NKAIN2: variants seen among roughly 807,000 people sequenced by gnomAD.
NKAIN2 encodes sodium/potassium-transporting ATPase subunit beta-1-interacting protein 2.
Under a neutral mutation model 32.6 loss-of-function variants are expected in NKAIN2, and 14 were observed. That is an observed-to-expected ratio of 0.43 (90% CI 0.28 to 0.67). The LOEUF (loss-of-function observed/expected upper bound fraction) is 0.67. Among genes scored for constraint, NKAIN2 ranks in the 30% least tolerant of loss-of-function variants. The pLI is 0.17. For synonymous variants in NKAIN2, 80 were observed against 87.2 expected (o/e 0.92, Z 0.46); for missense variants, 198 against 258.3 (o/e 0.77, Z 1.60).
chr6:124,554,745 A>T lies in NKAIN2; in HGVS notation c.274-103441A>T, dbSNP rs542582715. Among the ~76,000 whole-genome samples, 3 of 152,370 alleles carry T rather than the reference A, an allele frequency of 2.0e-5. No homozygotes were observed. The South Asian group carries it at 6.2e-4, about 32-fold the overall frequency. On this transcript the variant is annotated intron_variant, in intron 3 of 6. Coordinates refer to ENST00000368417, the MANE Select transcript of NKAIN2 (RefSeq NM_001040214.3). ...CAACTTTTGTCATTTCAAAATTTAA[A>T]TCAGGACCAGCACTTTTTCCTTTTT... is the stretch of plus-strand genomic sequence containing the variant.
chr6:123,882,320 A>AT (rs1351334890), intron 1 of NKAIN2, among the ~76,000 whole-genome samples: 1 of 152,178 alleles, frequency 6.6e-6, no homozygotes, highest in Non-Finnish European at 1.5e-5. Context: ...AAAAGATGGC[A>AT]TGAGTCGCTT....
At chr6:124,285,773 A>T (rs1795510564) in intron 2 of NKAIN2, among the ~76,000 whole-genome samples, 1 of 152,172 alleles carries the variant, frequency 6.6e-6, no homozygotes, top group African/African-American at 2.4e-5. Flanking sequence ...TAACTCCAAT[A>T]GCCTACTATT....
At chr6:123,854,157 A>G (rs901960074) in intron 1 of NKAIN2, among the ~76,000 whole-genome samples, 1 of 152,206 alleles carries the variant, frequency 6.6e-6, no homozygotes, top group African/African-American at 2.4e-5. Context: ...ATTTAATTTC[A>G]AAGATATATG....
chr6:124,275,016 T>A (rs1794964085), intron 1 of NKAIN2, among the ~76,000 whole-genome samples: 1 of 152,130 alleles, frequency 6.6e-6, no homozygotes, highest in African/African-American at 2.4e-5. Flanking sequence ...GCTCTAGAGT[T>A]AACTTTGTGT....
chr6:124,518,615 A>G lies in NKAIN2; in HGVS notation c.274-139571A>G, dbSNP rs374149640. Among the ~76,000 whole-genome samples the G allele has an allele frequency of 1.8e-4, 28 of 152,222 alleles. 1 individual carries two copies. In the South Asian group the frequency reaches 5.6e-3, roughly 30 times the overall value. ...ATTGCAAAGATAGTACCAAGCCATG[A>G]TAGGTCTACCCCCATGACTCAAACA... On this transcript the variant is annotated intron_variant, in intron 3 of 6. Transcript: ENST00000368417.
intron 1 of NKAIN2, among the ~76,000 whole-genome samples, chr6:124,198,703 G>A (rs1366053052): frequency 6.6e-6 from 1 of 152,080 alleles, no homozygotes; most frequent in African/African-American, 2.4e-5. Context: ...TATTTTGTGT[G>A]TGTTCCCCAC....
At chr6:124,376,695 T>C (rs1196006832) in intron 3 of NKAIN2, among the ~76,000 whole-genome samples, 1 of 152,166 alleles carries the variant, frequency 6.6e-6, no homozygotes, top group East Asian at 1.9e-4. Context: ...CAATCTTCCC[T>C]ATCCAATATA....
At chr6:124,300,461 G>A (rs770267347) in intron 2 of NKAIN2, among the ~76,000 whole-genome samples, 4 of 152,116 alleles carry the variant, frequency 2.6e-5, no homozygotes, top group African/African-American at 4.8e-5. Context: ...CCTGACAATA[G>A]ACTAATATAG....
chr6:124,610,335 A>AT (rs1782646270), intron 3 of NKAIN2, among the ~76,000 whole-genome samples: 1 of 152,234 alleles, frequency 6.6e-6, no homozygotes, highest in Admixed American at 6.5e-5. Flanking sequence ...AAATATGTCA[A>AT]TTTCCTGAAT....
intron 1 of NKAIN2, among the ~76,000 whole-genome samples, chr6:124,209,155 T>C (rs1791046129): frequency 6.6e-6 from 1 of 151,676 alleles, no homozygotes; most frequent in Non-Finnish European, 1.5e-5. Context: ...TAACCATCAC[T>C]CTACTCTCTA....
intron 1 of NKAIN2, among the ~76,000 whole-genome samples, chr6:124,160,106 C>A (rs1031756870): frequency 6.6e-6 from 1 of 152,100 alleles, no homozygotes; most frequent in Non-Finnish European, 1.5e-5. Flanking sequence ...AGAGTACAAT[C>A]GGGAAAAGAG....
intron 1 of NKAIN2, among the ~76,000 whole-genome samples, chr6:124,076,328 T>C (rs187704677): frequency 6.6e-6 from 1 of 152,006 alleles, no homozygotes; most frequent in Non-Finnish European, 1.5e-5. Flanking sequence ...TTAAGGAGGG[T>C]GAAAAGAAGC....
intron 1 of NKAIN2, among the ~76,000 whole-genome samples, chr6:124,145,749 C>A (rs535731063): frequency 6.6e-6 from 1 of 152,192 alleles, no homozygotes; most frequent in South Asian, 2.1e-4. Context: ...TCGTGATCCA[C>A]CCCCCTCAGC....
At chr6:124,723,716 G>A (rs1332820158) in intron 4 of NKAIN2, among the ~76,000 whole-genome samples, 2 of 152,182 alleles carry the variant, frequency 1.3e-5, no homozygotes, top group Admixed American at 6.5e-5. Flanking sequence ...GTTAAAAGGT[G>A]CTTAATGTCA....
chr6:124,725,551 G>T (rs1470035311), intron 4 of NKAIN2, among the ~76,000 whole-genome samples: 1 of 152,140 alleles, frequency 6.6e-6, no homozygotes, highest in Non-Finnish European at 1.5e-5. Context: ...ATGCCAAGTT[G>T]TTTGTCCTTT....
chr6:124,374,127 G>A (rs1173429554), intron 3 of NKAIN2, among the ~76,000 whole-genome samples: 1 of 152,064 alleles, frequency 6.6e-6, no homozygotes, highest in African/African-American at 2.4e-5. Flanking sequence ...TTGACCTTAG[G>A]TAAGAAAAGG....
chr6:123,962,168 C>A (rs1777877229), intron 1 of NKAIN2, among the ~76,000 whole-genome samples: 1 of 152,112 alleles, frequency 6.6e-6, no homozygotes, highest in Admixed American at 6.6e-5. Flanking sequence ...TTATACCAAA[C>A]AAAAACTTTG....
intron 3 of NKAIN2, among the ~76,000 whole-genome samples, chr6:124,480,282 A>T (rs1416334275): frequency 6.6e-6 from 1 of 152,170 alleles, no homozygotes; most frequent in Admixed American, 6.6e-5. Context: ...CTAACTGCCA[A>T]CTACAACTTA....
At chr6:124,239,952 A>G (rs1792991387) in intron 1 of NKAIN2, among the ~76,000 whole-genome samples, 1 of 152,190 alleles carries the variant, frequency 6.6e-6, no homozygotes, top group Non-Finnish European at 1.5e-5. Context: ...CAATGAATCC[A>G]GGAGCTGGTT....
Sources: allele counts gnomAD v4.1 joint callset (sites outside exome capture counted in the v4.1 genomes callset), GRCh38; gene constraint gnomAD v4.1.1; transcripts MANE v1.5; gene names NCBI Gene and HGNC (gene_info 2026-07-23, HGNC 2026-07-21).